The following TTC28 variants were observed in gnomAD, a reference collection of about 807,000 sequenced individuals.
TTC28 encodes the protein tetratricopeptide repeat protein 28.
Under a neutral mutation model 198.0 loss-of-function variants are expected in TTC28, and 61 were observed. The observed-to-expected ratio is 0.31, with a 90% CI of 0.25 to 0.38. The LOEUF is 0.38. Ranked by LOEUF, TTC28 falls within the 10% of genes least tolerant of loss-of-function variation. The pLI is 1.00. For missense variants in TTC28, 2,678 were observed against 3,164.0 expected, an observed-to-expected ratio of 0.85 and a Z score of 3.69; for synonymous variants, 1,171 against 1,297.8, an observed-to-expected ratio of 0.90 and a Z score of 2.10.
chr22:28,218,569 TA>T (rs937383687), intron 5 of TTC28, among the ~76,000 whole-genome samples: 27 of 147,250 alleles, frequency 1.8e-4, no homozygotes, highest in East Asian at 3.9e-4. Flanking sequence ...TTCTTTCACA[TA>T]AAAAAAAAAG....
intron 2 of TTC28, among the ~76,000 whole-genome samples, chr22:28,309,390 A>G (rs1569252058): frequency 6.6e-6 from 1 of 152,222 alleles, no homozygotes; most frequent in Non-Finnish European, 1.5e-5. Flanking sequence ...GACAAAATGT[A>G]AGCCACCTGA....
At position 27,985,267 on chromosome 22, in the gene TTC28, A is replaced by C; in HGVS notation, c.5797T>G (p.Ser1933Ala). ...NRRTVHFALQ[S>A]LLSLFDSTEL... ...CTCTTACCAAACAGAGACAGCAGGG[A>C]CTGGAGCGCGAAGTGCACAGTCCGT... Residue 1933 changes from serine to alanine, a missense_variant, in exon 22 of 23, where the codon TCC becomes GCC. Ser to Ala is a moderately conservative substitution (Grantham distance 99). Transcript: ENST00000397906. The C allele has an allele frequency of 1.3e-6, 2 of 1,551,336 alleles. No homozygotes were observed. The highest frequency in any genetic ancestry group is 1.7e-6 in the Non-Finnish European group (2 of 1,146,776).
intron 6 of TTC28, among the ~76,000 whole-genome samples, chr22:28,110,899 C>G (rs529964861): frequency 6.6e-6 from 1 of 150,588 alleles, no homozygotes; most frequent in South Asian, 2.1e-4. Flanking sequence ...CACACCACTG[C>G]TCTCCAGCCT....
At chr22:28,061,064 GTTGT>G (rs1037975203) in intron 12 of TTC28, among the ~76,000 whole-genome samples, 2 of 152,184 alleles carry the variant, frequency 1.3e-5, no homozygotes, top group African/African-American at 4.8e-5. Flanking sequence ...TTTTGATGAG[GTTGT>G]TTGATTTTTT....
At chr22:28,657,128 G>A (rs1318987888) in intron 1 of TTC28, among the ~76,000 whole-genome samples, 2 of 152,174 alleles carry the variant, frequency 1.3e-5, no homozygotes, top group East Asian at 1.9e-4. Context: ...ACAATAAGGT[G>A]CAGAAAAGTT....
At chr22:28,656,650 G>A (rs1225344753) in intron 1 of TTC28, among the ~76,000 whole-genome samples, 1 of 152,088 alleles carries the variant, frequency 6.6e-6, no homozygotes, top group East Asian at 1.9e-4. Context: ...TTTGTGCAAG[G>A]GATGAAAATC....
chr22:28,163,431 C>G lies in TTC28; in HGVS notation c.1102G>C (p.Gly368Arg). 1 of 1,551,804 alleles carries G rather than the reference C, an allele frequency of 6.4e-7. No individual in the cohort carries two copies. Among genetic ancestry groups the G allele is most frequent in the Non-Finnish European group, 8.7e-7 (1 of 1,147,022 alleles). ...CACTGCACAGCATTCTCAAAGTCAC[C>G]CATGGCAATATACACAGCTCCCATG... ...GNMGAVYIAM[G>R]DFENAVQCHE... Residue 368 changes from glycine (G) to arginine (R), a missense_variant, in exon 6 of 23, where the codon GGT (glycine) becomes CGT (arginine). Gly to Arg is a moderately radical substitution (Grantham distance 125). Around this residue, in one of 8 missense-constraint regions of TTC28, gnomAD observed 775 missense variants for 845.9 expected, o/e 0.92. Transcript: ENST00000397906.
At chr22:28,378,523 T>G (rs111985983) in intron 2 of TTC28, among the ~76,000 whole-genome samples, 3 of 151,758 alleles carry the variant, frequency 2.0e-5, no homozygotes, top group African/African-American at 7.2e-5. Context: ...CATGGTGGCA[T>G]GAACCTCCCA....
chr22:28,597,081 T>A (rs1441982311), intron 2 of TTC28, among the ~76,000 whole-genome samples: 1 of 152,106 alleles, frequency 6.6e-6, no homozygotes, highest in African/African-American at 2.4e-5. Flanking sequence ...TCACAAATAA[T>A]CACTCCAGAG....
chr22:28,279,942 T>C (rs1449954725), intron 5 of TTC28, among the ~76,000 whole-genome samples: 1 of 152,258 alleles, frequency 6.6e-6, no homozygotes, highest in East Asian at 1.9e-4. Flanking sequence ...GATTTATTCC[T>C]GTTGCTACAC....
At chr22:28,609,314 A>C (rs12169120) in intron 2 of TTC28, among the ~76,000 whole-genome samples, 20,637 of 152,262 alleles carry the variant, frequency 0.14, 1,643 homozygotes, top group African/African-American at 0.2. Context: ...AGGAACAGCT[A>C]CGGTCTGCAG....
intron 2 of TTC28, among the ~76,000 whole-genome samples, chr22:28,325,742 G>A (rs1334040298): frequency 2.6e-5 from 4 of 151,982 alleles, no homozygotes; most frequent in African/African-American, 9.7e-5. Context: ...ATGAAAAGAT[G>A]TTCAAAATCA....
chr22:28,538,717 G>A (rs1569010523), intron 2 of TTC28, among the ~76,000 whole-genome samples: 3 of 151,778 alleles, frequency 2.0e-5, no homozygotes, highest in South Asian at 2.1e-4. Context: ...GCGCCACCAC[G>A]TCCAGCTAAT....
At chr22:28,044,059 G>T (rs1460739380) in intron 12 of TTC28, among the ~76,000 whole-genome samples, 2 of 152,156 alleles carry the variant, frequency 1.3e-5, no homozygotes, top group African/African-American at 4.8e-5. Flanking sequence ...TAGCAGTGGG[G>T]GCCCTTCCAG....
chr22:28,570,887 G>C (rs1324632379), intron 2 of TTC28, among the ~76,000 whole-genome samples: 1 of 152,152 alleles, frequency 6.6e-6, no homozygotes, highest in African/African-American at 2.4e-5. Context: ...GAGATACAAG[G>C]CACTACAGAG....
chr22:28,529,097 G>A lies in TTC28; in HGVS notation c.381+100455C>T, dbSNP rs551464000. 3.2e-4 allele frequency among the ~76,000 whole-genome samples: 49 copies of A among 152,288 alleles called. 2 individuals carry two copies. The highest frequency in any genetic ancestry group is 9.9e-4 in the African/African-American group (41 of 41,578). On this transcript the variant is annotated intron_variant, in intron 2 of 22. Transcript: ENST00000397906. ...GGGTGCAGCCCACAGAGTGTGAGCC[G>A]AAGCAGGGCAGGGCATCGCCTCACC...
rs1302910174 is a variant in TTC28, at chr22:27,982,793, T to C, written c.6874A>G (p.Ser2292Gly). Residue 2292 changes from serine to glycine, a missense_variant, in exon 23 of 23, where the codon AGC becomes GGC. Physicochemically the swap from Ser to Gly is moderately conservative, Grantham distance 56 (BLOSUM62 0). Transcript: ENST00000397906. This position sits in a 1 kb window ranked among gnomAD's most constrained non-coding sequence, Gnocchi z 5.2. ...GAAATGTGAGCGCTGTAAGGAGAGC[T>C]GGGGTACTTCAGTTTAAAGAGAGGC... ...DQPLFKLKYP[S>G]SPYSAHISKS... is the part of the protein sequence containing the mutation. 6.5e-7 allele frequency: 1 copy of C among 1,545,634 alleles called. No homozygotes were observed. The highest frequency in any genetic ancestry group is 2.0e-5 in the Admixed American group (1 of 50,610).
intron 2 of TTC28, among the ~76,000 whole-genome samples, chr22:28,312,119 G>C (rs1006963407): frequency 4.0e-5 from 6 of 150,910 alleles, no homozygotes; most frequent in East Asian, 1.9e-4. Flanking sequence ...AGACAAAGAA[G>C]GCCATTACAT....
In TTC28 at chr22:28,282,690, C is replaced by T. The variant is rs113468566; in HGVS notation, c.933+13508G>A. On this transcript the variant is annotated intron_variant, in intron 5 of 22. Transcript: ENST00000397906. ...TCTGTCCATGATAGAAGGCCTCTAG[C>T]GGCAAAACCAGGATTTGAATTTAGA... Among the ~76,000 whole-genome samples, 1,320 of 152,262 alleles carry T rather than the reference C, an allele frequency of 8.7e-3. 34 individuals are homozygous for T. The highest frequency in any genetic ancestry group is 0.082 in the East Asian group (426 of 5,188).
Sources: gnomAD v4.1 joint callset for allele counts (sites outside exome capture counted in the v4.1 genomes callset) on GRCh38, gnomAD v4.1.1 for gene constraint, gnomAD v4.1.1 regional missense constraint, Gnocchi (gnomAD v3.1) non-coding constraint, MANE v1.5 for transcripts, NCBI Gene and HGNC (gene_info 2026-07-23, HGNC 2026-07-21) for gene names.